NPSR1: variants seen among roughly 807,000 people sequenced by gnomAD.
The protein encoded by NPSR1 is neuropeptide S receptor 1.
In NPSR1, 48 loss-of-function variants were observed where a neutral mutation model predicts 46.9. The observed-to-expected ratio is 1.02, with a 90% confidence interval of 0.81 to 1.30. The LOEUF is 1.30. NPSR1 is among the 50% of genes most tolerant of loss of function. The pLI is 0.00. For missense variants in NPSR1, 450 were observed against 449.5 expected, an observed-to-expected ratio of 1.00 and a Z score of -0.01; for synonymous variants, 176 against 168.1, an observed-to-expected ratio of 1.05 and a Z score of -0.36.
At chr7:34,860,650 G>A (rs1369570148) in intron 8 of NPSR1, among the ~76,000 whole-genome samples, 1 of 151,742 alleles carries the variant, frequency 6.6e-6, no homozygotes, top group East Asian at 1.9e-4. Context: ...CAAATATGTG[G>A]TCAGAAAAAA....
At chr7:34,660,995 A>G (rs1240074028) in intron 1 of NPSR1, among the ~76,000 whole-genome samples, 1 of 152,236 alleles carries the variant, frequency 6.6e-6, no homozygotes, top group Non-Finnish European at 1.5e-5. Context: ...CTCCTTGAGT[A>G]AAATGAATGC....
intron 3 of NPSR1, among the ~76,000 whole-genome samples, chr7:34,801,591 G>C (rs1788416671): frequency 7.0e-6 from 1 of 142,118 alleles, no homozygotes; most frequent in Non-Finnish European, 1.5e-5. Flanking sequence ...AGCTATCTAT[G>C]ACAAACCCAC....
chr7:34,781,402 C>A (rs1787222756), intron 3 of NPSR1, among the ~76,000 whole-genome samples: 1 of 152,074 alleles, frequency 6.6e-6, no homozygotes, highest in African/African-American at 2.4e-5. Context: ...GAATTTGCAG[C>A]AACATCGTGA....
At chr7:34,801,569 C>A (rs1351174595) in intron 3 of NPSR1, among the ~76,000 whole-genome samples, 1 of 140,884 alleles carries the variant, frequency 7.1e-6, no homozygotes, top group Non-Finnish European at 1.5e-5. Context: ...GGACATATCT[C>A]AAAATAATAA....
At chr7:34,790,974 T>TTATATGTTATATTATATATCA (rs1562730234) in intron 3 of NPSR1, among the ~76,000 whole-genome samples, 3,633 of 72,116 alleles carry the variant, frequency 0.05, 574 homozygotes, top group African/African-American at 0.16. Flanking sequence ...ATTATATATG[T>TTATATGTTATATTATATATCA]TATATGTTAT....
intron 2 of NPSR1, chr7:34,685,904 A>T: frequency 4.2e-6 from 1 of 240,260 alleles, no homozygotes; most frequent in Non-Finnish European, 8.3e-6. Flanking sequence ...ACCAACAAGA[A>T]CTCCAATTTT....
At chr7:34,718,421 T>A (rs1783679795) in intron 2 of NPSR1, among the ~76,000 whole-genome samples, 1 of 152,180 alleles carries the variant, frequency 6.6e-6, no homozygotes, top group Admixed American at 6.5e-5. Context: ...AAAAATAGTT[T>A]TGACTTTGCA....
At chr7:34,666,250 C>G (rs973073478) in intron 1 of NPSR1, among the ~76,000 whole-genome samples, 1 of 152,142 alleles carries the variant, frequency 6.6e-6, no homozygotes, top group Non-Finnish European at 1.5e-5. Context: ...AGGCACTACA[C>G]AAGCCTGGAA....
intron 1 of NPSR1, among the ~76,000 whole-genome samples, chr7:34,662,212 C>G (rs1021250998): frequency 6.6e-6 from 1 of 152,142 alleles, no homozygotes; most frequent in Non-Finnish European, 1.5e-5. Context: ...GCGCCTCCTT[C>G]GGTGGATAGT....
At chr7:34,864,435 A>G (rs1791263669) in intron 8 of NPSR1, among the ~76,000 whole-genome samples, 1 of 151,734 alleles carries the variant, frequency 6.6e-6, no homozygotes, top group African/African-American at 2.4e-5. Context: ...AGATGTTCCA[A>G]ATTTGAATAT....
chr7:34,827,643 C>CGGGGGGGGGGGGGGGGGG, intron 5 of NPSR1, 41 bp downstream of exon 5: 4 of 405,036 alleles, frequency 9.9e-6, no homozygotes, highest in Non-Finnish European at 1.5e-5. Flanking sequence ...GGGGGTGGGG[C>CGGGGGGGGGGGGGGGGGG]GGGGGGGGCT....
At chr7:34,832,077 GC>G (rs1415109024) in intron 5 of NPSR1, among the ~76,000 whole-genome samples, 1 of 152,110 alleles carries the variant, frequency 6.6e-6, no homozygotes, top group Non-Finnish European at 1.5e-5. Context: ...GGATCACAGG[GC>G]CCACAATAAA....
chr7:34,783,079 T>C (rs1787304475), intron 3 of NPSR1, among the ~76,000 whole-genome samples: 1 of 151,448 alleles, frequency 6.6e-6, no homozygotes, highest in Admixed American at 6.6e-5. Context: ...AATATACAAC[T>C]AAAGAAAAAG....
chr7:34,807,533 G>C, intron 3 of NPSR1, among the ~76,000 whole-genome samples: 1 of 151,854 alleles, frequency 6.6e-6, no homozygotes, highest in East Asian at 1.9e-4. Flanking sequence ...AATTTAATTT[G>C]TCTAATAGCA....
chr7:34,729,123 C>T (rs1784301403), intron 2 of NPSR1, among the ~76,000 whole-genome samples: 1 of 152,132 alleles, frequency 6.6e-6, no homozygotes, highest in South Asian at 2.1e-4. Context: ...GAAGCCTTAT[C>T]AACCCACAGT....
Position 34,699,066 on chromosome 7 carries a change from G to A in NPSR1, c.280+14382G>A, listed in dbSNP as rs577728545. Among the ~76,000 whole-genome samples, 9 of 152,272 alleles carry A rather than the reference G, an allele frequency of 5.9e-5. No individual in the cohort carries two copies. In the East Asian group the frequency reaches 1.7e-3, roughly 29 times the overall value. On this transcript the variant is annotated intron_variant, in intron 2 of 8. Transcript: ENST00000360581. ...GCTTATTTCTAGAATTGTTCTATCA[G>A]AAGACCATGAATTGGTCATATGAGG...
chr7:34,760,881 C>T (rs1786138527), intron 2 of NPSR1, among the ~76,000 whole-genome samples: 2 of 152,114 alleles, frequency 1.3e-5, no homozygotes, highest in East Asian at 1.9e-4. Flanking sequence ...ATTCTTAGAC[C>T]TCTAAGAGGA....
intron 6 of NPSR1, among the ~76,000 whole-genome samples, chr7:34,836,247 G>C (rs1234899765): frequency 6.6e-6 from 1 of 151,992 alleles, no homozygotes; most frequent in Non-Finnish European, 1.5e-5. Flanking sequence ...AGTTGGCTTT[G>C]GTTAAAAGTT....
Position 34,676,216 on chromosome 7 carries a change from T to G in NPSR1, c.148-8336T>G, listed in dbSNP as rs1054152375. ...ACCAATTTTTATTGCATATCTACTATGTAACAGGCACTGAGCTAAAAATCT... is the reference window on the plus strand; with the variant it reads ...ACCAATTTTTATTGCATATCTACTAGGTAACAGGCACTGAGCTAAAAATCT... On this transcript the variant is annotated intron_variant, in intron 1 of 8. Transcript: ENST00000360581. 2.0e-5 allele frequency among the ~76,000 whole-genome samples: 3 copies of G among 152,238 alleles called. No homozygotes were observed. The South Asian group carries it at 6.2e-4, about 31-fold the overall frequency.
Sources: gnomAD v4.1 joint callset for allele counts (sites outside exome capture counted in the v4.1 genomes callset) on GRCh38, gnomAD v4.1.1 for gene constraint, MANE v1.5 for transcripts, NCBI Gene and HGNC (gene_info 2026-07-23, HGNC 2026-07-21) for gene names.